The following CPA6 variants were observed in gnomAD, a reference collection of about 807,000 sequenced individuals.
CPA6 encodes the protein carboxypeptidase A6, also known as carboxypeptidase B.
In CPA6, 58 loss-of-function variants were observed where a neutral mutation model predicts 63.3. The observed-to-expected ratio is 0.92, with a 90% confidence interval of 0.74 to 1.14. The LOEUF is 1.14. Ranked by LOEUF, CPA6 falls within the 50% of genes most tolerant of loss-of-function variation. The pLI is 0.00. For synonymous variants in CPA6, 185 were observed against 179.0 expected (o/e 1.03, Z -0.27); for missense variants, 565 against 526.6 (o/e 1.07, Z -0.71).
intron 2 of CPA6, among the ~76,000 whole-genome samples, chr8:67,604,870 C>T (rs180870453): frequency 2.6e-5 from 4 of 152,190 alleles, no homozygotes; most frequent in African/African-American, 7.2e-5. Flanking sequence ...CTCCACCTCC[C>T]GGGTTCAAGC....
chr8:67,447,370 G>C (rs951869690), intron 8 of CPA6, among the ~76,000 whole-genome samples: 21 of 151,894 alleles, frequency 1.4e-4, no homozygotes, highest in Admixed American at 9.2e-4. Flanking sequence ...AAGAAAGTGG[G>C]GACATGACTA....
At chr8:67,511,467 T>C in intron 4 of CPA6, 74 bp downstream of exon 4, 1 of 830,576 alleles carries the variant, frequency 1.2e-6, no homozygotes, top group Non-Finnish European at 2.1e-6. Context: ...ATAAAACACA[T>C]AATTTTCTCC....
intron 10 of CPA6, 122 bp from the exon 11 acceptor site, chr8:67,422,813 G>A: frequency 2.9e-6 from 2 of 691,892 alleles, no homozygotes; most frequent in Non-Finnish European, 4.6e-6. Context: ...ATTAAATGCT[G>A]TTTCAATAAG....
intron 2 of CPA6, among the ~76,000 whole-genome samples, chr8:67,594,084 G>T (rs944148145): frequency 1.8e-4 from 28 of 152,076 alleles, no homozygotes; most frequent in African/African-American, 6.8e-4. Context: ...GCCTGGTGGT[G>T]ACAAAATCTC....
chr8:67,552,050 C>G (rs759641250), intron 2 of CPA6, among the ~76,000 whole-genome samples: 1 of 152,182 alleles, frequency 6.6e-6, no homozygotes, highest in Non-Finnish European at 1.5e-5. Flanking sequence ...ACTTTATGCA[C>G]AATATGTAAA....
chr8:67,744,513 A>G (rs1442631099), intron 1 of CPA6, among the ~76,000 whole-genome samples: 2 of 152,160 alleles, frequency 1.3e-5, no homozygotes, highest in East Asian at 3.9e-4. Flanking sequence ...GTAACTTTTC[A>G]CGGAGGAGTG....
rs111793928 is a variant in CPA6, at chr8:67,518,280, AAT to A, written c.193-235_193-234del. On this transcript the variant is annotated intron_variant, in intron 2 of 10. Coordinates refer to ENST00000297770, the MANE Select transcript of CPA6 (RefSeq NM_020361.5). ...ATTTGCAAATAATAGTTTGAAGACC[AAT>A]ATATTAAAGCTACAAGGTAAAAATG... is the stretch of plus-strand genomic sequence containing the variant. Among the ~76,000 whole-genome samples the A allele has an allele frequency of 3.4e-3, 521 of 152,338 alleles. 4 individuals carry two copies. The highest frequency in any genetic ancestry group is 0.011 in the African/African-American group (451 of 41,578).
At chr8:67,603,770 T>G (rs1283481419) in intron 2 of CPA6, among the ~76,000 whole-genome samples, 1 of 152,216 alleles carries the variant, frequency 6.6e-6, no homozygotes, top group East Asian at 1.9e-4. Context: ...TGCTAGGTTA[T>G]TTCTAAAACT....
intron 1 of CPA6, among the ~76,000 whole-genome samples, chr8:67,668,064 C>G (rs141145103): frequency 6.6e-6 from 1 of 152,230 alleles, no homozygotes; most frequent in African/African-American, 2.4e-5. Context: ...TCACTTATTA[C>G]TAAAAGTGTC....
At chr8:67,584,401 T>C (rs1452993939) in intron 2 of CPA6, among the ~76,000 whole-genome samples, 2 of 152,144 alleles carry the variant, frequency 1.3e-5, no homozygotes, top group African/African-American at 4.8e-5. Flanking sequence ...ATAAATAATA[T>C]AGCTTTACAA....
At chr8:67,631,038 A>G (rs1195699258) in intron 1 of CPA6, among the ~76,000 whole-genome samples, 1 of 152,188 alleles carries the variant, frequency 6.6e-6, no homozygotes, top group Non-Finnish European at 1.5e-5. Context: ...AGCCTCCCCA[A>G]CATGCGCGGC....
intron 2 of CPA6, among the ~76,000 whole-genome samples, chr8:67,521,825 C>T (rs2128967447): frequency 6.6e-6 from 1 of 152,300 alleles, no homozygotes; most frequent in East Asian, 1.9e-4. Context: ...GTGATGAATT[C>T]CATGGGCCCT....
chr8:67,634,226 T>TG (rs1815415217), intron 1 of CPA6, among the ~76,000 whole-genome samples: 1 of 141,026 alleles, frequency 7.1e-6, no homozygotes, highest in Non-Finnish European at 1.5e-5. Flanking sequence ...ATTATTTATT[T>TG]GTTTTTTTTT....
intron 2 of CPA6, among the ~76,000 whole-genome samples, chr8:67,565,953 C>T (rs1813327041): frequency 6.6e-6 from 1 of 152,126 alleles, no homozygotes; most frequent in African/African-American, 2.4e-5. Flanking sequence ...CTTTCTGTTG[C>T]CAAGACCAAA....
chr8:67,583,587 G>A (rs1813834995), intron 2 of CPA6, among the ~76,000 whole-genome samples: 1 of 152,092 alleles, frequency 6.6e-6, no homozygotes, highest in Admixed American at 6.6e-5. Flanking sequence ...ACAAAATTAA[G>A]TTCCATTGCT....
intron 1 of CPA6, among the ~76,000 whole-genome samples, chr8:67,707,075 CTTT>C (rs1177623360): frequency 6.6e-6 from 1 of 152,132 alleles, no homozygotes; most frequent in East Asian, 1.9e-4. Flanking sequence ...TTGCTTAAGA[CTTT>C]TTGTCATCCA....
intron 1 of CPA6, among the ~76,000 whole-genome samples, chr8:67,633,356 T>C (rs1815386884): frequency 6.6e-6 from 1 of 152,226 alleles, no homozygotes; most frequent in African/African-American, 2.4e-5. Flanking sequence ...TTGTAGGTTC[T>C]TATTGCCCTT....
rs559087956 is a variant in CPA6, at chr8:67,721,645, G to A, written c.116+24369C>T. ...TGCAGGGTTATACTTTCTATGGCAA[G>A]GCTGGTACGTTACTTTAACAAAAAA... On this transcript the variant is annotated intron_variant, in intron 1 of 10. Transcript: ENST00000297770. Among the ~76,000 whole-genome samples, 3 of 152,268 alleles carry A rather than the reference G, an allele frequency of 2.0e-5. No individual in the cohort carries two copies. The East Asian group carries it at 5.8e-4, about 29-fold the overall frequency.
chr8:67,737,637 A>G (rs1396262799), intron 1 of CPA6, among the ~76,000 whole-genome samples: 1 of 152,230 alleles, frequency 6.6e-6, no homozygotes, highest in African/African-American at 2.4e-5. Flanking sequence ...TATGCTGTGC[A>G]CATGGGCTGC....
Sources: gnomAD v4.1 joint callset for allele counts (sites outside exome capture counted in the v4.1 genomes callset) on GRCh38, gnomAD v4.1.1 for gene constraint, MANE v1.5 for transcripts, NCBI Gene and HGNC (gene_info 2026-07-23, HGNC 2026-07-21) for gene names.